Variants in DENND2B observed in about 807,000 individuals in gnomAD.
DENND2B encodes DENN domain containing 2B.
A neutral mutation model predicts 116.0 loss-of-function variants in DENND2B; 32 were observed. The ratio of observed to expected loss-of-function variants is 0.28; its 90% CI spans 0.21 to 0.37. The LOEUF (loss-of-function observed/expected upper bound fraction) is 0.37, where lower values mean the gene tolerates loss of function less well. DENND2B is among the 10% of genes least tolerant of loss of function. The pLI, the probability that DENND2B is intolerant of heterozygous loss-of-function variation, is 1.00. For missense variants in DENND2B, 1,276 were observed against 1,477.7 expected (o/e 0.86, Z 2.24); for synonymous variants, 588 against 583.9 (o/e 1.01, Z -0.10).
intron 1 of DENND2B, among the ~76,000 whole-genome samples, chr11:8,771,414 G>A (rs1230549173): frequency 6.6e-6 from 1 of 151,930 alleles, no homozygotes; most frequent in Non-Finnish European, 1.5e-5. Context: ...GTGCGTGTGT[G>A]CACATGTGTG....
chr11:8,849,813 T>C (rs1429985489), intron 3 of DENND2B, among the ~76,000 whole-genome samples: 1 of 112,702 alleles, frequency 8.9e-6, no homozygotes, highest in Non-Finnish European at 1.8e-5. Flanking sequence ...ACAGAGGGAG[T>C]CTCCATCTCA....
intron 2 of DENND2B, among the ~76,000 whole-genome samples, chr11:8,748,783 A>G (rs1022947987): frequency 7.9e-5 from 12 of 152,184 alleles, no homozygotes; most frequent in Non-Finnish European, 1.5e-4. Flanking sequence ...AGCTAAAGGA[A>G]GAGCAATTTC....
chr11:8,846,957 C>T (rs144595992), intron 3 of DENND2B, among the ~76,000 whole-genome samples: 247 of 152,018 alleles, frequency 1.6e-3, no homozygotes, highest in African/African-American at 5.5e-3. Flanking sequence ...CACCTACTTG[C>T]TTACAGTTCC....
intron 1 of DENND2B, chr11:8,774,441 T>A: frequency 1.6e-6 from 1 of 618,012 alleles, no homozygotes; most frequent in Non-Finnish European, 2.0e-6. Context: ...ATGACTTTCC[T>A]AAGGGTTACA....
rs1373222140 is a variant in DENND2B at position 8,696,497 on chromosome 11, C to G, written c.3222G>C (p.Glu1074Asp). The change falls in exon 18 of 20, where the codon GAG becomes GAC. Residue 1074 changes from glutamate to aspartate, a missense_variant. Glu to Asp is a conservative substitution (Grantham distance 45, BLOSUM62 2). This residue lies in a region of DENND2B where 420 missense variants were observed against 631.1 expected (regional missense o/e 0.67). Transcript: ENST00000313726. ...VASKSIRRFL[E>D]VFMESQMFAG... is the part of the protein sequence containing the mutation. Reference sequence around the variant, plus strand: ...CAAACATCTGAGACTCCATAAAAACCTCAAGAAAGCGGCGGATGCTTTTGG... The same window carrying G: ...CAAACATCTGAGACTCCATAAAAACGTCAAGAAAGCGGCGGATGCTTTTGG... The G allele has an allele frequency of 6.2e-7, 1 of 1,614,092 alleles. No individual in the cohort carries two copies. The highest frequency in any genetic ancestry group is 1.3e-5 in the African/African-American group (1 of 74,926).
intron 1 of DENND2B, among the ~76,000 whole-genome samples, chr11:8,900,198 G>T (rs1319679477): frequency 6.6e-6 from 1 of 151,896 alleles, no homozygotes; most frequent in Non-Finnish European, 1.5e-5. Flanking sequence ...GGCCGAGGCG[G>T]GTAGATCACA....
intron 1 of DENND2B, among the ~76,000 whole-genome samples, chr11:8,781,751 G>C (rs749182569): frequency 4.0e-5 from 6 of 151,848 alleles, no homozygotes; most frequent in African/African-American, 9.7e-5. Flanking sequence ...AACATATTAA[G>C]AACTTCTAAA....
intron 2 of DENND2B, among the ~76,000 whole-genome samples, chr11:8,864,810 AG>A (rs2063522103): frequency 6.6e-6 from 1 of 152,202 alleles, no homozygotes; most frequent in African/African-American, 2.4e-5. Context: ...CTCTGATTAA[AG>A]GCACTTTTTA....
chr11:8,890,552 T>G (rs1156772593), intron 1 of DENND2B, among the ~76,000 whole-genome samples: 4 of 152,054 alleles, frequency 2.6e-5, no homozygotes, highest in Non-Finnish European at 4.4e-5. Context: ...TTAAATGACC[T>G]GATGGAGCTG....
At chr11:8,893,922 A>C (rs1350600555) in intron 1 of DENND2B, among the ~76,000 whole-genome samples, 3 of 152,096 alleles carry the variant, frequency 2.0e-5, no homozygotes, top group Non-Finnish European at 4.4e-5. Context: ...GGAACCAAAA[A>C]AGAGCCCACA....
intron 3 of DENND2B, among the ~76,000 whole-genome samples, chr11:8,855,305 C>T (rs2742552): frequency 0.51 from 77,837 of 151,224 alleles, 20,257 homozygotes; most frequent in Middle Eastern, 0.7. Flanking sequence ...GACTATCTCG[C>T]TCAGGCTGGC....
chr11:8,747,260 A>G (rs1449175476), intron 2 of DENND2B, among the ~76,000 whole-genome samples: 1 of 152,132 alleles, frequency 6.6e-6, no homozygotes, highest in Non-Finnish European at 1.5e-5. Context: ...CACCCACCAC[A>G]AGCAAAAGTT....
intron 1 of DENND2B, among the ~76,000 whole-genome samples, chr11:8,904,880 A>C (rs371361531): frequency 6.6e-6 from 1 of 152,170 alleles, no homozygotes; most frequent in Non-Finnish European, 1.5e-5. Context: ...ATCACTACAC[A>C]ATATTAGTAA....
At chr11:8,822,131 T>C (rs779587463) in intron 4 of DENND2B, among the ~76,000 whole-genome samples, 1 of 152,176 alleles carries the variant, frequency 6.6e-6, no homozygotes, top group Non-Finnish European at 1.5e-5. Flanking sequence ...TTAAGCTAGG[T>C]GGTGGGTCAC....
At chr11:8,895,152 A>G (rs2064084110) in intron 1 of DENND2B, among the ~76,000 whole-genome samples, 1 of 152,138 alleles carries the variant, frequency 6.6e-6, no homozygotes. Context: ...CACAAAGACA[A>G]AAAACCAAAC....
intron 3 of DENND2B, among the ~76,000 whole-genome samples, chr11:8,856,613 A>G (rs2063202023): frequency 6.6e-6 from 1 of 152,082 alleles, no homozygotes; most frequent in Non-Finnish European, 1.5e-5. Flanking sequence ...GTTGGTTGGA[A>G]GTCCCTGGAT....
chr11:8,729,016 G>A (rs2047615618), intron 3 of DENND2B, among the ~76,000 whole-genome samples: 4 of 152,310 alleles, frequency 2.6e-5, no homozygotes, highest in Admixed American at 6.5e-5. Context: ...CGGCTCGGGG[G>A]TCTGAATCTT....
chr11:8,902,583 T>C (rs888514839), intron 1 of DENND2B, among the ~76,000 whole-genome samples: 2 of 152,212 alleles, frequency 1.3e-5, no homozygotes, highest in African/African-American at 2.4e-5. Flanking sequence ...ACTTCAGCAA[T>C]CTTTTTTTGG....
intron 1 of DENND2B, among the ~76,000 whole-genome samples, chr11:8,798,569 C>T (rs2060032507): frequency 6.6e-6 from 1 of 152,110 alleles, no homozygotes; most frequent in Non-Finnish European, 1.5e-5. Flanking sequence ...AGAAGAAGCT[C>T]AGCTTCTTCC....
Sources: gnomAD v4.1 joint callset for allele counts (sites outside exome capture counted in the v4.1 genomes callset) on GRCh38, gnomAD v4.1.1 for gene constraint, gnomAD v4.1.1 regional missense constraint, MANE v1.5 for transcripts, NCBI Gene and HGNC (gene_info 2026-07-23, HGNC 2026-07-21) for gene names.